The following STARD13 variants were observed in gnomAD, a reference collection of about 807,000 sequenced individuals.
STARD13 encodes StAR related lipid transfer domain containing 13, also known as stAR-related lipid transfer protein 13.
Under a neutral mutation model 106.4 loss-of-function variants are expected in STARD13, and 62 were observed. That is an observed-to-expected ratio of 0.58 (90% confidence interval 0.48 to 0.72). The LOEUF (loss-of-function observed/expected upper bound fraction) is 0.72, where lower values mean the gene tolerates loss of function less well. STARD13 is among the 30% of genes least tolerant of loss of function. The pLI, the probability that STARD13 is intolerant of heterozygous loss-of-function variation, is 0.00. For missense variants in STARD13, 1,387 were observed against 1,424.0 expected (o/e 0.97, Z 0.42); for synonymous variants, 565 against 553.0 (o/e 1.02, Z -0.31).
chr13:33,542,485 T>C, the STARD13 span, among the ~76,000 whole-genome samples: 3 of 152,170 alleles, frequency 2.0e-5, no homozygotes, highest in Non-Finnish European at 4.4e-5. Flanking sequence ...CTAGCAAACG[T>C]GCAAACATTG....
chr13:33,455,687 AC>A, the STARD13 span, among the ~76,000 whole-genome samples: 2 of 152,152 alleles, frequency 1.3e-5, no homozygotes, highest in Admixed American at 6.5e-5. Flanking sequence ...TAATCCCAGT[AC>A]TGTGGGAGGC....
chr13:33,177,973 GAAGGAAGGAAGGA>G (rs1387492933), intron 1 of STARD13, among the ~76,000 whole-genome samples: 1 of 13,640 alleles, frequency 7.3e-5, no homozygotes, highest in African/African-American at 5.8e-4. Flanking sequence ...AGGAAGGAAG[GAAGGAAGGAAGGA>G]AAGGAAGGAA....
the STARD13 span, among the ~76,000 whole-genome samples, chr13:33,594,108 A>G: frequency 6.6e-6 from 1 of 151,896 alleles, no homozygotes; most frequent in Admixed American, 6.6e-5. Context: ...GGGTTTCACC[A>G]TATTTCCAGG....
the STARD13 span, among the ~76,000 whole-genome samples, chr13:33,456,485 TG>T: frequency 6.6e-6 from 1 of 152,166 alleles, no homozygotes; most frequent in East Asian, 1.9e-4. Context: ...CCACCACACC[TG>T]GCCAGAAATT....
intron 1 of STARD13, among the ~76,000 whole-genome samples, chr13:33,239,724 T>A (rs1319132458): frequency 6.6e-6 from 1 of 152,188 alleles, no homozygotes; most frequent in East Asian, 1.9e-4. Context: ...TTTGCCCATG[T>A]TTTTAAATCA....
At chr13:33,179,015 G>T (rs1884982454) in intron 1 of STARD13, among the ~76,000 whole-genome samples, 1 of 152,146 alleles carries the variant, frequency 6.6e-6, no homozygotes, top group Non-Finnish European at 1.5e-5. Context: ...CAGGGTTCAT[G>T]TTATTGCTTT....
the STARD13 span, among the ~76,000 whole-genome samples, chr13:33,632,318 T>C: frequency 3.3e-5 from 5 of 152,190 alleles, no homozygotes; most frequent in South Asian, 2.1e-4. Flanking sequence ...TCATCACCAA[T>C]ATTCAGCACT....
At chr13:33,465,976 T>G in the STARD13 span, among the ~76,000 whole-genome samples, 1 of 152,194 alleles carries the variant, frequency 6.6e-6, no homozygotes, top group Non-Finnish European at 1.5e-5. Context: ...TTCCAATCAC[T>G]TATTGTATGA....
At chr13:33,390,005 C>T in the STARD13 span, among the ~76,000 whole-genome samples, 2 of 152,028 alleles carry the variant, frequency 1.3e-5, no homozygotes, top group African/African-American at 2.4e-5. Context: ...ACCCTTCTTT[C>T]GTGCAAGGAT....
intron 1 of STARD13, among the ~76,000 whole-genome samples, chr13:33,339,071 T>C (rs115516551): frequency 0.02 from 3,008 of 152,296 alleles, 91 homozygotes; most frequent in African/African-American, 0.066. Context: ...GGGTTTATTA[T>C]GGGCCAGACA....
At chr13:33,268,318 C>A (rs1891001752) in intron 1 of STARD13, among the ~76,000 whole-genome samples, 1 of 152,208 alleles carries the variant, frequency 6.6e-6, no homozygotes. Flanking sequence ...TGTGGCTGTT[C>A]TTTAGCTTCT....
At chr13:33,663,187 T>G in the STARD13 span, among the ~76,000 whole-genome samples, 32,563 of 152,056 alleles carry the variant, frequency 0.21, 6,934 homozygotes, top group African/African-American at 0.54. Context: ...CTGGGCTCAA[T>G]TGATCCTCCT....
chr13:33,253,598 C>G (rs1371164658), intron 1 of STARD13, among the ~76,000 whole-genome samples: 1 of 152,160 alleles, frequency 6.6e-6, no homozygotes, highest in African/African-American at 2.4e-5. Context: ...CTTGTGAAGG[C>G]CGAGGCTGCC....
chr13:33,531,027 G>A, the STARD13 span, among the ~76,000 whole-genome samples: 21,926 of 152,140 alleles, frequency 0.14, 1,869 homozygotes, highest in African/African-American at 0.23. Context: ...TGTTGTGGGA[G>A]GGATCAGGTG....
the STARD13 span, among the ~76,000 whole-genome samples, chr13:33,493,041 AT>A: frequency 4.6e-5 from 7 of 152,138 alleles, no homozygotes; most frequent in Non-Finnish European, 8.8e-5. Context: ...TACTGCATAG[AT>A]TTTCTGAAGT....
chr13:33,264,834 G>A (rs1890818271), intron 1 of STARD13, among the ~76,000 whole-genome samples: 1 of 152,128 alleles, frequency 6.6e-6, no homozygotes. Flanking sequence ...GACCTGCCAA[G>A]CAGAGAGTCT....
intron 4 of STARD13, among the ~76,000 whole-genome samples, chr13:33,135,424 A>T (rs1234830901): frequency 6.6e-6 from 1 of 152,228 alleles, no homozygotes; most frequent in Admixed American, 6.5e-5. Context: ...GCTGCATGGT[A>T]CTGGTGTGTG....
intron 1 of STARD13, among the ~76,000 whole-genome samples, chr13:33,341,591 CAAAA>C (rs543220774): frequency 5.2e-5 from 4 of 76,908 alleles, no homozygotes; most frequent in Non-Finnish European, 2.7e-5. Context: ...ACTCCGTCTC[CAAAA>C]AAAAAAAAAA....
intron 1 of STARD13, among the ~76,000 whole-genome samples, chr13:33,236,035 C>T (rs1215837599): frequency 6.6e-6 from 1 of 152,158 alleles, no homozygotes; most frequent in Non-Finnish European, 1.5e-5. Flanking sequence ...ATATATCTTG[C>T]TCTCTTAAAG....
Sources: gnomAD v4.1 joint callset for allele counts (sites outside exome capture counted in the v4.1 genomes callset) on GRCh38, gnomAD v4.1.1 for gene constraint, MANE v1.5 for transcripts, NCBI Gene and HGNC (gene_info 2026-07-23, HGNC 2026-07-21) for gene names.